Variants in WDR62 observed in about 807,000 individuals in gnomAD.
WDR62 encodes WD repeat-containing protein 62.
A neutral mutation model predicts 160.6 loss-of-function variants in WDR62; 112 were observed. The ratio of observed to expected loss-of-function variants is 0.70; its 90% CI spans 0.60 to 0.82. WDR62 has a LOEUF of 0.82. Among genes scored for constraint, WDR62 ranks in the 40% least tolerant of loss-of-function variants. The probability of loss-of-function intolerance (pLI) is 0.00; values close to 1 mark genes in which losing one functional copy is unlikely to be tolerated. For synonymous variants in WDR62, 792 were observed against 815.1 expected, an observed-to-expected ratio of 0.97 and a Z score of 0.48; for missense variants, 1,819 against 1,983.8, an observed-to-expected ratio of 0.92 and a Z score of 1.58.
At chr19:36,063,825 C>T (rs966890691) in intron 3 of WDR62, among the ~76,000 whole-genome samples, 5 of 152,244 alleles carry the variant, frequency 3.3e-5, no homozygotes, top group African/African-American at 4.8e-5. Flanking sequence ...CTGGGGACAT[C>T]TTTCCTGAGA....
At position 36,103,561 on chromosome 19, in the gene WDR62, C is replaced by A. The variant is rs763947043; in HGVS notation, c.3733C>A (p.Leu1245Met). ...GDSEGPIVAT[L>M]AQPLRRPSSV... is the part of the protein sequence containing the mutation. ...CAGTGAGGGCCCTATCGTGGCCACA[C>A]TGGCCCAGCCCCTCCGTAGGCCATC... is the stretch of plus-strand genomic sequence containing the variant. The change falls in exon 30 of 32, where the codon CTG (leucine) becomes ATG (methionine). Residue 1245 changes from leucine to methionine, a missense_variant. Physicochemically the swap from Leu to Met is conservative, Grantham distance 15. Transcript: ENST00000401500. The A allele has an allele frequency of 2.0e-5, 32 of 1,613,876 alleles. No individual in the cohort carries two copies. The Admixed American group carries it at 5.3e-4, about 27-fold the overall frequency.
chr19:36,074,988 T>C (rs1323787439), intron 9 of WDR62: 1 of 152,208 alleles, frequency 6.6e-6, no homozygotes, highest in Non-Finnish European at 1.5e-5. Context: ...ATAGATCTTT[T>C]CATCAGTTCT....
intron 2 of WDR62, among the ~76,000 whole-genome samples, chr19:36,059,389 C>G (rs1970529674): frequency 6.6e-6 from 1 of 152,174 alleles, no homozygotes; most frequent in Admixed American, 6.5e-5. Flanking sequence ...GTGACCTGAC[C>G]TGGCAGTTGT....
At position 36,073,469 on chromosome 19, in the gene WDR62, A is replaced by T; in HGVS notation, c.1171A>T (p.Ile391Phe). ...HSIYIWDVKD[I>F]NRVGKVWSEL... ...CATCTACATCTGGGATGTCAAGGAC[A>T]TCAACAGAGTGGGCAAGGTGTGGTC... The change falls in exon 9 of 32, where the codon ATC (isoleucine) becomes TTC (phenylalanine). Residue 391 changes from isoleucine to phenylalanine, a missense_variant. By Grantham distance (21) the Ile-to-Phe change is conservative. This residue lies in a region of WDR62 where 934 missense variants were observed against 1,157.2 expected (regional missense o/e 0.81). Coordinates refer to ENST00000401500, the MANE Select transcript of WDR62 (RefSeq NM_001083961.2). 1 of 1,614,138 alleles carries T rather than the reference A, an allele frequency of 6.2e-7. No homozygotes were observed. The highest frequency in any genetic ancestry group is 8.5e-7 in the Non-Finnish European group (1 of 1,180,026).
chr19:36,085,887 G>T (rs1437598262), intron 12 of WDR62, among the ~76,000 whole-genome samples: 1 of 151,638 alleles, frequency 6.6e-6, no homozygotes, highest in Non-Finnish European at 1.5e-5. Flanking sequence ...AGAAGGTATT[G>T]CACGATGCTG....
chr19:36,087,215 AAAG>A (rs1568352146), intron 13 of WDR62, among the ~76,000 whole-genome samples: 3 of 151,390 alleles, frequency 2.0e-5, no homozygotes, highest in African/African-American at 7.3e-5. Context: ...CTCAAAAAAA[AAAG>A]AATAATGGCC....
chr19:36,109,311 T>C (rs568536121), downstream of WDR62, among the ~76,000 whole-genome samples: 14 of 152,152 alleles, frequency 9.2e-5, no homozygotes, highest in Admixed American at 7.9e-4. Context: ...GGTACCCCTC[T>C]TTTCCCCATC....
downstream of WDR62, among the ~76,000 whole-genome samples, chr19:36,105,719 G>A (rs1973696764): frequency 6.6e-6 from 1 of 151,974 alleles, no homozygotes; most frequent in South Asian, 2.1e-4. Flanking sequence ...TTGTTTTTGA[G>A]ATGGAATCTT....
At position 36,103,668 on chromosome 19, in the gene WDR62, C is replaced by A; in HGVS notation, c.3840C>A (p.Gly1280=). ...TATTPSLDSE[G]QEPALRSWGN... Reference sequence around the variant, plus strand: ...CAACACCCAGTTTGGACAGTGAGGGCCAAGAGCCTGCCCTGCGTTCCTGGG... The same window carrying A: ...CAACACCCAGTTTGGACAGTGAGGGACAAGAGCCTGCCCTGCGTTCCTGGG... The change falls in exon 30 of 32, where the codon GGC becomes GGA. Residue 1280 remains glycine (G), a synonymous_variant. Transcript: ENST00000401500. 1 of 1,610,272 alleles carries A rather than the reference C, an allele frequency of 6.2e-7. No individual in the cohort carries two copies.
chr19:36,097,112 T>C, intron 21 of WDR62, 33 bp downstream of exon 21: 10 of 1,611,510 alleles, frequency 6.2e-6, no homozygotes, highest in Non-Finnish European at 8.5e-6. Flanking sequence ...GCTCAGGGGC[T>C]GGCAGAGGAA....
chr19:36,061,989 G>C (rs1970674884), intron 3 of WDR62: 2 of 151,526 alleles, frequency 1.3e-5, no homozygotes, highest in South Asian at 4.2e-4. Context: ...TGTCACCCAG[G>C]CTGCTGGAGT....
chr19:36,074,914 A>T (rs1358169877), intron 9 of WDR62: 1 of 152,164 alleles, frequency 6.6e-6, no homozygotes, highest in Non-Finnish European at 1.5e-5. Flanking sequence ...GGGTGTCTTC[A>T]GTTGATTTTC....
At chr19:36,101,008 G>C in intron 23 of WDR62, 133 bp downstream of exon 23, 1 of 1,456,454 alleles carries the variant, frequency 6.9e-7, no homozygotes, top group Non-Finnish European at 9.6e-7. Flanking sequence ...GATGGGGCAG[G>C]AGCCCAGCCT....
At position 36,058,886 on chromosome 19, in the gene WDR62, G is replaced by T. The variant is rs1970500010; in HGVS notation, c.269+15G>T. The T allele has an allele frequency of 6.2e-7, 1 of 1,605,844 alleles. No homozygotes were observed. The highest frequency in any genetic ancestry group is 8.5e-7 in the Non-Finnish European group (1 of 1,172,730). ...TACCTGGCAGGGTAAGCAGATAAGG[G>T]CCTCGACGTCTAATCATTGCTAGGG... On this transcript the variant is annotated intron_variant, in intron 2 of 31. Transcript: ENST00000401500.
At position 36,089,188 on chromosome 19, in the gene WDR62, T is replaced by A. The variant is rs2145767793; in HGVS notation, c.1840T>A (p.Ser614Thr). 3 of 1,614,124 alleles carry A rather than the reference T, an allele frequency of 1.9e-6. No homozygotes were observed. The highest frequency in any genetic ancestry group is 2.7e-5 in the African/African-American group (2 of 75,040). Reference sequence around the variant, plus strand: ...AAGGTCCTGCCGGCCCTGCCAGGGTTCGGATGGACTACACTTTGTCCGTAC... The same window carrying A: ...AAGGTCCTGCCGGCCCTGCCAGGGTACGGATGGACTACACTTTGTCCGTAC... ...SIYFRSAQQG[S>T]DGLHFVRTHH... The change falls in exon 15 of 32, where the codon TCG (serine) becomes ACG (threonine). Residue 614 changes from serine (S) to threonine (T), a missense_variant. This residue lies in a region of WDR62 where 934 missense variants were observed against 1,157.2 expected (regional missense o/e 0.81). Transcript: ENST00000401500.
chr19:36,105,701 ATTTAT>A (rs1973696474), downstream of WDR62, among the ~76,000 whole-genome samples: 1 of 151,734 alleles, frequency 6.6e-6, no homozygotes. Flanking sequence ...GTATTTATTT[ATTTAT>A]TTTTGTTTTT....
At chr19:36,073,265 A>G in intron 8 of WDR62, 77 bp from the exon 9 acceptor site, 1 of 1,418,928 alleles carries the variant, frequency 7.0e-7, no homozygotes, top group Non-Finnish European at 1.0e-6. Context: ...CCGGGGAGGC[A>G]TCTCCACTGT....
chr19:36,107,182 C>T (rs564915597), downstream of WDR62, among the ~76,000 whole-genome samples: 1 of 152,334 alleles, frequency 6.6e-6, no homozygotes, highest in South Asian at 2.1e-4. Flanking sequence ...CTCTTCCTCT[C>T]CTGCTCTGTT....
chr19:36,090,070 C>T (rs1013376474), intron 15 of WDR62, among the ~76,000 whole-genome samples: 1 of 152,106 alleles, frequency 6.6e-6, no homozygotes, highest in African/African-American at 2.4e-5. Flanking sequence ...CTGACCCCAC[C>T]TGCGGATCAA....
Sources: allele counts gnomAD v4.1 joint callset (sites outside exome capture counted in the v4.1 genomes callset), GRCh38; gene constraint gnomAD v4.1.1; regional missense constraint gnomAD v4.1.1; transcripts MANE v1.5; gene names NCBI Gene and HGNC (gene_info 2026-07-23, HGNC 2026-07-21).